The following KIFC3 variants were observed in gnomAD, a reference collection of about 807,000 sequenced individuals.
KIFC3 encodes kinesin-like protein KIFC3.
In KIFC3, 60 loss-of-function variants were observed where a neutral mutation model predicts 101.8. That is an observed-to-expected ratio of 0.59 (90% CI 0.48 to 0.73). KIFC3 has a LOEUF of 0.73. Among genes scored for constraint, KIFC3 ranks in the 30% least tolerant of loss-of-function variants. The probability of loss-of-function intolerance (pLI) is 0.00; values close to 1 mark genes in which losing one functional copy is unlikely to be tolerated. For synonymous variants in KIFC3, 476 were observed against 482.7 expected, an observed-to-expected ratio of 0.99 and a Z score of 0.18; for missense variants, 966 against 1,137.1, an observed-to-expected ratio of 0.85 and a Z score of 2.16.
At chr16:57,800,682 G>A (rs1464435832) in intron 1 of KIFC3, among the ~76,000 whole-genome samples, 1 of 152,192 alleles carries the variant, frequency 6.6e-6, no homozygotes, top group Admixed American at 6.5e-5. Context: ...AGGCAGCCAG[G>A]AAGATATCGG....
chr16:57,826,431 G>T (rs1466289548), intron 1 of KIFC3, among the ~76,000 whole-genome samples: 1 of 152,198 alleles, frequency 6.6e-6, no homozygotes, highest in African/African-American at 2.4e-5. Flanking sequence ...CATTAAAGGT[G>T]GTAGTGACTA....
chr16:57,768,569 G>A (rs557529233), intron 9 of KIFC3, among the ~76,000 whole-genome samples: 2 of 136,582 alleles, frequency 1.5e-5, no homozygotes, highest in African/African-American at 2.7e-5. Flanking sequence ...CAGAACAGTC[G>A]GGGGAAATGC....
At chr16:57,843,144 T>C (rs2149315135) in intron 1 of KIFC3, among the ~76,000 whole-genome samples, 1 of 152,114 alleles carries the variant, frequency 6.6e-6, no homozygotes, top group Admixed American at 6.6e-5. Context: ...AAAAAATATA[T>C]ATATAAATAT....
At chr16:57,807,952 A>C (rs557082191), upstream of KIFC3, 8 of 111,214 alleles carry the variant, frequency 7.2e-5, no homozygotes, top group African/African-American at 1.1e-4. Context: ...AAAAAAAAAA[A>C]AAAAAAACCT....
intron 1 of KIFC3, among the ~76,000 whole-genome samples, chr16:57,855,458 T>C (rs1840836515): frequency 6.6e-6 from 1 of 151,810 alleles, no homozygotes; most frequent in African/African-American, 2.4e-5. Context: ...AATTGGGAAA[T>C]ATTTAAACTG....
intron 2 of KIFC3, among the ~76,000 whole-genome samples, chr16:57,795,872 T>C (rs1254855007): frequency 6.8e-6 from 1 of 146,596 alleles, no homozygotes; most frequent in Non-Finnish European, 1.5e-5. Context: ...TTCTGTTTTT[T>C]TGGGCTTTTT....
At chr16:57,817,389 G>T (rs889898869) in intron 1 of KIFC3, among the ~76,000 whole-genome samples, 3 of 151,668 alleles carry the variant, frequency 2.0e-5, no homozygotes, top group Non-Finnish European at 1.5e-5. Context: ...AGAAAGAAAA[G>T]AAAAAGAAAA....
intron 1 of KIFC3, among the ~76,000 whole-genome samples, chr16:57,823,861 T>A (rs1555630305): frequency 6.6e-6 from 1 of 151,468 alleles, no homozygotes; most frequent in Non-Finnish European, 1.5e-5. Context: ...ACTCCTGACC[T>A]CATGATCTGC....
At chr16:57,790,075 TTTC>T (rs1262752159) in intron 3 of KIFC3, among the ~76,000 whole-genome samples, 124 of 35,522 alleles carry the variant, frequency 3.5e-3, no homozygotes, top group Middle Eastern at 0.022. Flanking sequence ...TCTTTCTTTC[TTTC>T]TTTTTTTTTT....
intron 1 of KIFC3, among the ~76,000 whole-genome samples, chr16:57,835,653 T>C (rs1320381315): frequency 2.0e-5 from 3 of 152,152 alleles, no homozygotes; most frequent in Non-Finnish European, 2.9e-5. Flanking sequence ...TTGTGGCTAA[T>C]AAAACTCCAT....
intron 3 of KIFC3, chr16:57,775,939 G>T: frequency 1.0e-6 from 1 of 985,534 alleles, no homozygotes. Flanking sequence ...GCGTCACCCT[G>T]CCTGCTCAAG....
intron 3 of KIFC3, chr16:57,772,496 T>C: frequency 1.9e-6 from 1 of 513,548 alleles, no homozygotes; most frequent in Non-Finnish European, 3.5e-6. Context: ...TCCCGCACCC[T>C]CTCCCTCCAC....
At chr16:57,812,461 C>T (rs548889614) in intron 1 of KIFC3, among the ~76,000 whole-genome samples, 1 of 152,220 alleles carries the variant, frequency 6.6e-6, no homozygotes, top group South Asian at 2.1e-4. Context: ...TAAGCAGCCT[C>T]ACTCCAGAGT....
intron 1 of KIFC3, among the ~76,000 whole-genome samples, chr16:57,838,080 C>G (rs1199960750): frequency 6.6e-6 from 1 of 152,112 alleles, no homozygotes; most frequent in Admixed American, 6.6e-5. Context: ...TTAAATCCAT[C>G]GAGAGTGCAG....
intron 1 of KIFC3, chr16:57,815,408 G>T: frequency 8.5e-7 from 1 of 1,177,554 alleles, no homozygotes; most frequent in Non-Finnish European, 1.1e-6. Flanking sequence ...CCCCACCACC[G>T]CCACGTGTTT....
intron 3 of KIFC3, chr16:57,788,847 T>G (rs2053597082): frequency 7.7e-6 from 6 of 781,242 alleles, no homozygotes; most frequent in Non-Finnish European, 1.1e-5. Context: ...CCTTTGTGGG[T>G]GGGTGGGGAC....
chr16:57,772,497 C>T (rs532461862), intron 3 of KIFC3: 10 of 520,902 alleles, frequency 1.9e-5, no homozygotes, highest in Non-Finnish European at 3.5e-5. Context: ...CCCGCACCCT[C>T]TCCCTCCACA....
chr16:57,829,429 A>G (rs1436096759), intron 1 of KIFC3, among the ~76,000 whole-genome samples: 2 of 151,956 alleles, frequency 1.3e-5, no homozygotes, highest in African/African-American at 4.8e-5. Flanking sequence ...AATTTTTAAA[A>G]GATGTAGTAG....
intron 1 of KIFC3, among the ~76,000 whole-genome samples, chr16:57,859,512 C>T (rs759164634): frequency 3.9e-5 from 6 of 152,120 alleles, no homozygotes; most frequent in Non-Finnish European, 5.9e-5. Context: ...GCTGTTTTCA[C>T]GAAGCTCTCA....
Sources: allele counts gnomAD v4.1 joint callset (sites outside exome capture counted in the v4.1 genomes callset), GRCh38; gene constraint gnomAD v4.1.1; transcripts MANE v1.5; gene names NCBI Gene and HGNC (gene_info 2026-07-23, HGNC 2026-07-21).